MMAA: variants seen among roughly 807,000 people sequenced by gnomAD.
MMAA encodes the protein methylmalonic aciduria type A protein, mitochondrial.
MMAA carries 41 observed loss-of-function variants against 45.0 expected under a neutral mutation model. That is an observed-to-expected ratio of 0.91 (90% CI 0.71 to 1.18). The LOEUF (loss-of-function observed/expected upper bound fraction) is 1.18. Among genes scored for constraint, MMAA ranks in the 50% most tolerant of loss-of-function variants. The pLI is 0.00. For missense variants in MMAA, 460 were observed against 495.7 expected, an observed-to-expected ratio of 0.93 and a Z score of 0.68; for synonymous variants, 154 against 178.2, an observed-to-expected ratio of 0.86 and a Z score of 1.08.
rs1463651503 is a variant in MMAA, at chr4:145,656,827, CA to C, written c.*1396del. ...GCATTGTTACTTACTGTACTGGAAT[CA>C]AACCTCTTGAGCATTATTTTAACAA... On this transcript the variant is annotated 3_prime_UTR_variant, in exon 7 of 7. Transcript: ENST00000649156. 1 of 152,288 alleles carries C rather than the reference CA, an allele frequency of 6.6e-6. No homozygotes were observed. Among genetic ancestry groups the C allele is most frequent in the South Asian group, 2.1e-4 (1 of 4,820 alleles). 9.4% of individuals were successfully genotyped at this position (152,288 alleles called of 1,614,324 possible).
At chr4:145,641,395 T>C (rs1221491971) in intron 2 of MMAA, among the ~76,000 whole-genome samples, 1 of 152,190 alleles carries the variant, frequency 6.6e-6, no homozygotes, top group Non-Finnish European at 1.5e-5. Flanking sequence ...CCACCATAAG[T>C]AAAAGCAACA....
chr4:145,659,531 A>G lies in MMAA; in HGVS notation c.*4097A>G, dbSNP rs545540582. The G allele has an allele frequency of 1.3e-4, 20 of 152,324 alleles. No individual in the cohort carries two copies. Among genetic ancestry groups the G allele is most frequent in the African/African-American group, 4.6e-4 (19 of 41,532 alleles). The allele number at this position is 152,324 out of a possible 1,614,324, so 9.4% of individuals were successfully genotyped here. A position where few individuals can be genotyped will look rare whatever the true frequency, so the allele number is the denominator to read the frequency against. On this transcript the variant is annotated 3_prime_UTR_variant, in exon 7 of 7. Transcript: ENST00000649156. ...AGTAAACTATTCTGTTAGTAAAGTCAAAGGCGTAATCTAAATTAATTATGC... is the reference window on the plus strand; with the variant it reads ...AGTAAACTATTCTGTTAGTAAAGTCGAAGGCGTAATCTAAATTAATTATGC...
chr4:145,641,619 TAAAAC>T (rs1225048442), intron 2 of MMAA, among the ~76,000 whole-genome samples: 7 of 152,296 alleles, frequency 4.6e-5, no homozygotes, highest in African/African-American at 1.7e-4. Context: ...ATCTAATTCT[TAAAAC>T]AACCTGAAGA....
At position 145,654,059 on chromosome 4, in the gene MMAA, G is replaced by A. The variant is rs2126629113; in HGVS notation, c.885G>A (p.Leu295=). The change falls in exon 6 of 7, where the codon TTG becomes TTA. Residue 295 remains leucine, a synonymous_variant. Coordinates refer to ENST00000649156, the MANE Select transcript of MMAA (RefSeq NM_172250.3). ...CTGTAACTAAATCTGATGGAGACTT[G>A]ATTGTGCCAGCTCGAAGGATACAAG... ...LVAVTKSDGD[L]IVPARRIQAE... The A allele has an allele frequency of 1.2e-6, 2 of 1,614,160 alleles. No homozygotes were observed. Among genetic ancestry groups the A allele is most frequent in the Non-Finnish European group, 1.7e-6 (2 of 1,180,022 alleles).
chr4:145,645,310 A>G (rs1727896207), intron 3 of MMAA, among the ~76,000 whole-genome samples: 6 of 152,216 alleles, frequency 3.9e-5, no homozygotes. Context: ...AGAGATGGGC[A>G]TGGGCTGAAA....
Position 145,656,126 on chromosome 4 carries a change from T to C in MMAA, c.*692T>C, listed in dbSNP as rs1473555540. 6.6e-6 allele frequency: 1 copy of C among 152,236 alleles called. No homozygotes were observed. Among genetic ancestry groups the C allele is most frequent in the Non-Finnish European group, 1.5e-5 (1 of 68,054 alleles). The allele number at this position is 152,236 out of a possible 1,614,324, so 9.4% of individuals were successfully genotyped here. ...TTGGACCCATTATATTTGTAGCCAA[T>C]TGGAGTAAACCCCTAAAAGACAAAG... On this transcript the variant is annotated 3_prime_UTR_variant, in exon 7 of 7. Coordinates refer to ENST00000649156, the MANE Select transcript of MMAA (RefSeq NM_172250.3).
chr4:145,642,527 G>T, intron 3 of MMAA, 42 bp downstream of exon 3: 1 of 1,612,768 alleles, frequency 6.2e-7, no homozygotes, highest in Non-Finnish European at 8.5e-7. Context: ...AGGTCTGGGG[G>T]CTTTCTGTTA....
rs1206695457 is a variant in MMAA at position 145,658,859 on chromosome 4, G to A, written c.*3425G>A. Reference sequence around the variant, plus strand: ...TGATCTATATGTTTGTGCAGATGGTGGAGCTTTTCTGCTCCTAAAGCCTGA... The same window carrying A: ...TGATCTATATGTTTGTGCAGATGGTAGAGCTTTTCTGCTCCTAAAGCCTGA... On this transcript the variant is annotated 3_prime_UTR_variant, in exon 7 of 7. Coordinates refer to ENST00000649156, the MANE Select transcript of MMAA (RefSeq NM_172250.3). 6.6e-6 allele frequency: 1 copy of A among 152,194 alleles called. No homozygotes were observed. The highest frequency in any genetic ancestry group is 1.5e-5 in the Non-Finnish European group (1 of 68,034). The allele number at this position is 152,194 out of a possible 1,614,324, so 9.4% of individuals were successfully genotyped here.
chr4:145,638,151 C>T (rs899365870), intron 1 of MMAA, among the ~76,000 whole-genome samples: 1 of 152,154 alleles, frequency 6.6e-6, no homozygotes, highest in Non-Finnish European at 1.5e-5. Context: ...GGGCGGCTCA[C>T]GAGGTCAGGA....
At chr4:145,624,904 A>C in intron 1 of MMAA, 1 of 1,561,284 alleles carries the variant, frequency 6.4e-7, no homozygotes, top group Admixed American at 1.7e-5. Flanking sequence ...TTGGCCCCCA[A>C]GTGGTCATGC....
chr4:145,625,957 A>C (rs533513673), intron 1 of MMAA: 1 of 1,589,234 alleles, frequency 6.3e-7, no homozygotes, highest in Admixed American at 1.7e-5. Context: ...GCAAGCTCCA[A>C]GTCCCTCCGT....
At chr4:145,637,872 G>A (rs1578876383) in intron 1 of MMAA, among the ~76,000 whole-genome samples, 1 of 152,160 alleles carries the variant, frequency 6.6e-6, no homozygotes, top group African/African-American at 2.4e-5. Context: ...CAACCACTCT[G>A]CTTTCTTACC....
chr4:145,630,555 C>T (rs1734315168), intron 1 of MMAA, among the ~76,000 whole-genome samples: 1 of 152,058 alleles, frequency 6.6e-6, no homozygotes, highest in Non-Finnish European at 1.5e-5. Context: ...ATGGAGAAAC[C>T]CCATCTCTAC....
chr4:145,623,936 A>G (rs1255179358), intron 1 of MMAA, among the ~76,000 whole-genome samples: 1 of 152,226 alleles, frequency 6.6e-6, no homozygotes. Context: ...CTTCTGTAAG[A>G]AGGAAGGAAC....
At position 145,658,180 on chromosome 4, in the gene MMAA, A is replaced by C. The variant is rs1375944667; in HGVS notation, c.*2746A>C. The C allele has an allele frequency of 6.6e-6, 1 of 152,466 alleles. No individual in the cohort carries two copies. Among genetic ancestry groups the C allele is most frequent in the East Asian group, 1.9e-4 (1 of 5,222 alleles). The allele number at this position is 152,466 out of a possible 1,614,324, so 9.4% of individuals were successfully genotyped here. On this transcript the variant is annotated 3_prime_UTR_variant, in exon 7 of 7. Coordinates refer to ENST00000649156, the MANE Select transcript of MMAA (RefSeq NM_172250.3). Reference sequence around the variant, plus strand: ...CAGATGCCAGCACCATGCTTCCTGTAGTCTGTAGAACCATAAGCCAAATAA... The same window carrying C: ...CAGATGCCAGCACCATGCTTCCTGTCGTCTGTAGAACCATAAGCCAAATAA...
At chr4:145,648,628 GC>G (rs2126625215) in intron 4 of MMAA, among the ~76,000 whole-genome samples, 1 of 152,332 alleles carries the variant, frequency 6.6e-6, no homozygotes, top group South Asian at 2.1e-4. Context: ...GTTATATTTA[GC>G]TACCTTTCCC....
chr4:145,653,246 G>A lies in MMAA; in HGVS notation c.820-748G>A, dbSNP rs985944385. ...TAAAACATAGTGATTGCAGACTATCGCTGCTTATTTAGAAACATTAACTAT... is the reference window on the plus strand; with the variant it reads ...TAAAACATAGTGATTGCAGACTATCACTGCTTATTTAGAAACATTAACTAT... On this transcript the variant is annotated intron_variant, in intron 5 of 6. Transcript: ENST00000649156. Among the ~76,000 whole-genome samples, 13 of 152,118 alleles carry A rather than the reference G, an allele frequency of 8.5e-5. No homozygotes were observed. In the South Asian group the frequency reaches 1.0e-3, roughly 12 times the overall value.
At chr4:145,636,896 A>C (rs964918403) in intron 1 of MMAA, among the ~76,000 whole-genome samples, 5 of 152,240 alleles carry the variant, frequency 3.3e-5, no homozygotes, top group African/African-American at 9.6e-5. Flanking sequence ...GATGGCCTTC[A>C]AAAAGATATG....
intron 1 of MMAA, among the ~76,000 whole-genome samples, chr4:145,631,235 T>C (rs971947005): frequency 7.9e-5 from 12 of 152,234 alleles, no homozygotes; most frequent in Admixed American, 7.8e-4. Flanking sequence ...TGTCCAATAC[T>C]GAAAGTGGGG....
Sources: allele counts gnomAD v4.1 joint callset (sites outside exome capture counted in the v4.1 genomes callset), GRCh38; gene constraint gnomAD v4.1.1; transcripts MANE v1.5; gene names NCBI Gene and HGNC (gene_info 2026-07-23, HGNC 2026-07-21).